QRSL1: variants seen among roughly 807,000 people sequenced by gnomAD.
QRSL1 encodes glutaminyl-tRNA amidotransferase subunit QRSL1.
A neutral mutation model predicts 61.6 loss-of-function variants in QRSL1; 54 were observed. The observed-to-expected ratio is 0.88, with a 90% CI of 0.70 to 1.10. QRSL1 has a LOEUF of 1.10. Ranked by LOEUF, QRSL1 falls within the 50% of genes least tolerant of loss-of-function variation. The pLI is 0.00. For synonymous variants in QRSL1, 228 were observed against 225.7 expected, an observed-to-expected ratio of 1.01 and a Z score of -0.09; for missense variants, 505 against 622.6, an observed-to-expected ratio of 0.81 and a Z score of 2.01.
intron 5 of QRSL1, among the ~76,000 whole-genome samples, chr6:106,650,578 C>G (rs182434175): frequency 3.4e-5 from 5 of 148,206 alleles, no homozygotes; most frequent in Non-Finnish European, 6.0e-5. Flanking sequence ...TGATTTGTTT[C>G]TTTTACAATA....
In QRSL1 at chr6:106,666,139, C is replaced by T; in HGVS notation, c.*137C>T. The T allele has an allele frequency of 2.9e-6, 2 of 700,794 alleles. No individual in the cohort carries two copies. The highest frequency in any genetic ancestry group is 4.8e-6 in the Non-Finnish European group (2 of 418,664). The allele number at this position is 700,794 out of a possible 1,614,324, so 43.4% of individuals were successfully genotyped here. On this transcript the variant is annotated 3_prime_UTR_variant, in exon 11 of 11. Coordinates refer to ENST00000369046, the MANE Select transcript of QRSL1 (RefSeq NM_018292.5). ...ACAGCCTGGTCAACATGGTGAAACC[C>T]CGTCTCTACTAAAAATACAAAAATT...
chr6:106,634,119 A>G (rs935224947), intron 1 of QRSL1, among the ~76,000 whole-genome samples: 1 of 152,210 alleles, frequency 6.6e-6, no homozygotes, highest in Non-Finnish European at 1.5e-5. Context: ...CCAGAAGGGC[A>G]TGAAGGGGGA....
intron 2 of QRSL1, 125 bp downstream of exon 2, chr6:106,640,633 G>T: frequency 9.7e-7 from 1 of 1,027,414 alleles, no homozygotes; most frequent in Non-Finnish European, 1.4e-6. Flanking sequence ...AACTTGCCAT[G>T]AGGATAATAA....
At chr6:106,660,258 G>A (rs1777335236) in intron 9 of QRSL1, among the ~76,000 whole-genome samples, 1 of 152,054 alleles carries the variant, frequency 6.6e-6, no homozygotes, top group African/African-American at 2.4e-5. Context: ...GAGTGCATTG[G>A]CATGACCATG....
intron 1 of QRSL1, among the ~76,000 whole-genome samples, chr6:106,635,827 C>T (rs1334414599): frequency 6.6e-6 from 1 of 151,124 alleles, no homozygotes; most frequent in East Asian, 1.9e-4. Context: ...GCCGAGATCG[C>T]ACCACTGCAC....
intron 1 of QRSL1, among the ~76,000 whole-genome samples, chr6:106,636,464 A>T (rs1469279985): frequency 6.6e-6 from 1 of 151,872 alleles, no homozygotes; most frequent in African/African-American, 2.4e-5. Flanking sequence ...GGAACTACAG[A>T]TGCACGCCAC....
At chr6:106,657,237 C>G (rs1245300920) in intron 9 of QRSL1, among the ~76,000 whole-genome samples, 1 of 150,962 alleles carries the variant, frequency 6.6e-6, no homozygotes, top group East Asian at 2.0e-4. Context: ...CCACTGCACT[C>G]TAGCCTGGGC....
intron 7 of QRSL1, 148 bp from the exon 8 acceptor site, chr6:106,654,582 C>T: frequency 1.5e-6 from 1 of 659,054 alleles, no homozygotes; most frequent in East Asian, 2.8e-5. Flanking sequence ...TTTCTAGCTA[C>T]CTACCAGCAA....
chr6:106,648,955 T>C lies in QRSL1; in HGVS notation c.381-70T>C, dbSNP rs1777154135. ...CAATGAGTGTCAGAAGCAAATAATA[T>C]ACTCAGAAGATGAAATTTTCACATA... On this transcript the variant is annotated intron_variant, in intron 4 of 10. Coordinates refer to ENST00000369046, the MANE Select transcript of QRSL1 (RefSeq NM_018292.5). The C allele has an allele frequency of 7.4e-6, 11 of 1,480,918 alleles. No individual in the cohort carries two copies. In the Admixed American group the frequency reaches 2.0e-4, roughly 27 times the overall value. 91.7% of individuals were successfully genotyped at this position (1,480,918 alleles called of 1,614,324 possible).
At chr6:106,659,143 A>G (rs1308738238) in intron 9 of QRSL1, among the ~76,000 whole-genome samples, 1 of 151,958 alleles carries the variant, frequency 6.6e-6, no homozygotes, top group Non-Finnish European at 1.5e-5. Context: ...TCATTATTTT[A>G]TATTTTCTTC....
intron 1 of QRSL1, among the ~76,000 whole-genome samples, chr6:106,636,735 AC>A (rs1776928292): frequency 6.6e-6 from 1 of 152,244 alleles, no homozygotes; most frequent in South Asian, 2.1e-4. Context: ...TATATTAAGC[AC>A]TGAGGACAAT....
intron 7 of QRSL1, chr6:106,653,795 C>T (rs1260270746): frequency 6.8e-6 from 1 of 147,864 alleles, no homozygotes; most frequent in Non-Finnish European, 1.5e-5. Flanking sequence ...CTGCACTCCA[C>T]CCTAGGTGAC....
intron 1 of QRSL1, among the ~76,000 whole-genome samples, chr6:106,637,416 A>G (rs1000415521): frequency 1.3e-5 from 2 of 152,212 alleles, no homozygotes; most frequent in Admixed American, 1.3e-4. Flanking sequence ...GATAGGAGCA[A>G]TAGTAACAAA....
chr6:106,640,232 C>A (rs1376772432), intron 1 of QRSL1, 117 bp from the exon 2 acceptor site: 6 of 884,252 alleles, frequency 6.8e-6, no homozygotes, highest in Non-Finnish European at 5.3e-6. Context: ...GATTTTGAAC[C>A]CAAGCCTCAC....
In QRSL1 at chr6:106,649,064, C is replaced by T. The variant is rs1426455961; in HGVS notation, c.420C>T (p.Asn140=). The T allele has an allele frequency of 1.9e-6, 3 of 1,613,748 alleles. No homozygotes were observed. The highest frequency in any genetic ancestry group is 1.7e-6 in the Non-Finnish European group (2 of 1,179,954). ...STDGVFGPVK[N]PWSYSKQYRE... ...ATGGTGTATTTGGACCAGTTAAAAA[C>T]CCCTGGAGTTATTCAAAACAATATA... The change falls in exon 5 of 11, where the codon AAC becomes AAT. Residue 140 remains asparagine, a synonymous_variant. Coordinates refer to ENST00000369046, the MANE Select transcript of QRSL1 (RefSeq NM_018292.5).
In QRSL1 at chr6:106,652,564, A is replaced by G. The variant is rs1349663516; in HGVS notation, c.831A>G (p.Leu277=). ...CCAGTTTGGCAGATGTGAGCAAACT[A>G]TGTATAGGAATTCCAAAGGTAACTT... The part of the protein sequence containing the change: ...MLPSLADVSK[L]CIGIPKEYLV... Residue 277 remains leucine, a synonymous_variant, in exon 7 of 11, where the codon CTA becomes CTG. Coordinates refer to ENST00000369046, the MANE Select transcript of QRSL1 (RefSeq NM_018292.5). 6.2e-7 allele frequency: 1 copy of G among 1,614,232 alleles called. No individual in the cohort carries two copies. Among genetic ancestry groups the G allele is most frequent in the Non-Finnish European group, 8.5e-7 (1 of 1,180,036 alleles).
intron 1 of QRSL1, among the ~76,000 whole-genome samples, chr6:106,633,470 A>G (rs1776868719): frequency 6.6e-6 from 1 of 152,194 alleles, no homozygotes; most frequent in Admixed American, 6.5e-5. Context: ...TTTGCGGGGA[A>G]TTAGGGAGAA....
At chr6:106,631,287 T>C (rs886484174) in intron 1 of QRSL1, among the ~76,000 whole-genome samples, 4 of 152,296 alleles carry the variant, frequency 2.6e-5, no homozygotes, top group African/African-American at 9.6e-5. Flanking sequence ...TGTTTTAAAA[T>C]TAAATACAAC....
chr6:106,645,333 C>T (rs1319041897), intron 4 of QRSL1, among the ~76,000 whole-genome samples: 2 of 152,220 alleles, frequency 1.3e-5, no homozygotes, highest in East Asian at 3.9e-4. Flanking sequence ...TACATGTCTT[C>T]TCATACATTT....
Sources: gnomAD v4.1 joint callset for allele counts (sites outside exome capture counted in the v4.1 genomes callset) on GRCh38, gnomAD v4.1.1 for gene constraint, MANE v1.5 for transcripts, NCBI Gene and HGNC (gene_info 2026-07-23, HGNC 2026-07-21) for gene names.